Variants in AK5 observed in about 807,000 individuals in gnomAD.
The protein encoded by AK5 is adenylate kinase isoenzyme 5.
In AK5, 27 loss-of-function variants were observed where a neutral mutation model predicts 69.5. The ratio of observed to expected loss-of-function variants is 0.39; its 90% CI spans 0.29 to 0.54. The LOEUF is 0.54. AK5 is among the 20% of genes least tolerant of loss of function. AK5 has a pLI of 0.71. For synonymous variants in AK5, 260 were observed against 244.4 expected, an observed-to-expected ratio of 1.06 and a Z score of -0.60; for missense variants, 531 against 700.4, an observed-to-expected ratio of 0.76 and a Z score of 2.73.
chr1:77,285,743 A>G (rs1658311595), intron 1 of AK5, among the ~76,000 whole-genome samples: 1 of 152,162 alleles, frequency 6.6e-6, no homozygotes, highest in South Asian at 2.1e-4. Flanking sequence ...TCCCCTCTGG[A>G]ATCTCAGTGG....
chr1:77,544,895 A>G (rs1238263213), intron 13 of AK5, among the ~76,000 whole-genome samples: 2 of 152,176 alleles, frequency 1.3e-5, no homozygotes, highest in Non-Finnish European at 2.9e-5. Flanking sequence ...ACTTTACGTG[A>G]TTGTACGTGC....
intron 7 of AK5, among the ~76,000 whole-genome samples, chr1:77,411,748 G>A (rs899086756): frequency 6.6e-6 from 1 of 152,086 alleles, no homozygotes; most frequent in Non-Finnish European, 1.5e-5. Flanking sequence ...ATCTCAAAGG[G>A]TAAAGACCAA....
intron 6 of AK5, among the ~76,000 whole-genome samples, chr1:77,385,628 A>G (rs1193717675): frequency 6.6e-6 from 1 of 152,238 alleles, no homozygotes; most frequent in East Asian, 1.9e-4. Context: ...AAAGCTTTCA[A>G]TATGAATGCA....
At chr1:77,460,540 T>C (rs563038753) in intron 8 of AK5, among the ~76,000 whole-genome samples, 3 of 152,332 alleles carry the variant, frequency 2.0e-5, no homozygotes, top group Admixed American at 2.0e-4. Context: ...TTCAAATTCG[T>C]TTAAAATGAT....
chr1:77,368,236 TATATATA>T (rs1398206760), intron 6 of AK5, among the ~76,000 whole-genome samples: 1 of 35,910 alleles, frequency 2.8e-5, no homozygotes, highest in Non-Finnish European at 5.5e-5. Flanking sequence ...TATATATATA[TATATATA>T]TATATATATA....
intron 10 of AK5, among the ~76,000 whole-genome samples, chr1:77,487,427 T>C (rs1655673653): frequency 6.6e-6 from 1 of 152,222 alleles, no homozygotes; most frequent in Non-Finnish European, 1.5e-5. Flanking sequence ...CTTTTTCCTC[T>C]AATCATTCAA....
chr1:77,553,732 G>A (rs934781153), intron 13 of AK5, among the ~76,000 whole-genome samples: 3 of 152,118 alleles, frequency 2.0e-5, no homozygotes, highest in Non-Finnish European at 2.9e-5. Context: ...TAAATCAAGC[G>A]TTTGTGGATT....
intron 8 of AK5, among the ~76,000 whole-genome samples, chr1:77,481,054 G>T (rs914357232): frequency 3.9e-5 from 6 of 152,214 alleles, no homozygotes; most frequent in Admixed American, 3.9e-4. Flanking sequence ...GCTTGAGGCA[G>T]GGAGCCAGAC....
intron 6 of AK5, among the ~76,000 whole-genome samples, chr1:77,357,166 C>T (rs938106474): frequency 6.6e-6 from 1 of 152,036 alleles, no homozygotes; most frequent in African/African-American, 2.4e-5. Flanking sequence ...TTATTATATT[C>T]AAATAAACCT....
intron 9 of AK5, among the ~76,000 whole-genome samples, chr1:77,483,898 C>T (rs149879655): frequency 6.0e-4 from 92 of 152,320 alleles, no homozygotes; most frequent in African/African-American, 2.2e-3. Flanking sequence ...GGTGCAGTGG[C>T]TCACGCCTGT....
intron 9 of AK5, among the ~76,000 whole-genome samples, chr1:77,484,037 C>T (rs1655430421): frequency 6.6e-6 from 1 of 151,948 alleles, no homozygotes. Flanking sequence ...TGGTGGTGCA[C>T]ACCTGTAATC....
intron 13 of AK5, among the ~76,000 whole-genome samples, chr1:77,555,218 C>CA (rs1337766846): frequency 4.6e-5 from 7 of 152,134 alleles, no homozygotes; most frequent in African/African-American, 1.7e-4. Flanking sequence ...GCAGAGGTTG[C>CA]AGTGAGCTGA....
intron 13 of AK5, among the ~76,000 whole-genome samples, chr1:77,542,154 C>T (rs1659311661): frequency 6.6e-6 from 1 of 152,052 alleles, no homozygotes; most frequent in African/African-American, 2.4e-5. Context: ...TGGCAAATGT[C>T]TCTACTAAAA....
intron 6 of AK5, among the ~76,000 whole-genome samples, chr1:77,379,251 A>T (rs1285819500): frequency 6.6e-6 from 1 of 152,190 alleles, no homozygotes; most frequent in Non-Finnish European, 1.5e-5. Flanking sequence ...CTTGCGATGG[A>T]TGCAGTTGGC....
At chr1:77,367,720 A>ACGTTATATGTT (rs1359005152) in intron 6 of AK5, among the ~76,000 whole-genome samples, 1 of 64,448 alleles carries the variant, frequency 1.6e-5, no homozygotes, top group Non-Finnish European at 2.8e-5. Flanking sequence ...TGTTATATAT[A>ACGTTATATGTT]ATATATGTTA....
chr1:77,556,086 CTTA>C (rs1429238813), intron 13 of AK5, among the ~76,000 whole-genome samples: 1 of 152,166 alleles, frequency 6.6e-6, no homozygotes, highest in Non-Finnish European at 1.5e-5. Context: ...TTTAAAAAAA[CTTA>C]TTTTTTCCTT....
chr1:77,381,038 T>C (rs901088710), intron 6 of AK5, among the ~76,000 whole-genome samples: 1 of 152,216 alleles, frequency 6.6e-6, no homozygotes, highest in Non-Finnish European at 1.5e-5. Flanking sequence ...TAATTCTCTC[T>C]TTCTTAAGCA....
intron 10 of AK5, among the ~76,000 whole-genome samples, chr1:77,511,722 T>A (rs924290770): frequency 6.6e-6 from 1 of 152,150 alleles, no homozygotes; most frequent in African/African-American, 2.4e-5. Flanking sequence ...TAGATGCAAA[T>A]AAAGCCTATG....
At chr1:77,444,886 A>T (rs1313429164) in intron 8 of AK5, among the ~76,000 whole-genome samples, 1 of 151,524 alleles carries the variant, frequency 6.6e-6, no homozygotes, top group Non-Finnish European at 1.5e-5. Context: ...CCAATATCTG[A>T]TCTTTATTTA....
Sources: allele counts gnomAD v4.1 joint callset (sites outside exome capture counted in the v4.1 genomes callset), GRCh38; gene constraint gnomAD v4.1.1; transcripts MANE v1.5; gene names NCBI Gene and HGNC (gene_info 2026-07-23, HGNC 2026-07-21).